Variants in OXR1 observed in about 807,000 individuals in gnomAD.
OXR1 encodes oxidation resistance 1.
Under a neutral mutation model 104.6 loss-of-function variants are expected in OXR1, and 41 were observed. That is an observed-to-expected ratio of 0.39 (90% CI 0.31 to 0.51). The LOEUF (loss-of-function observed/expected upper bound fraction) is 0.51. Ranked by LOEUF, OXR1 falls within the 20% of genes least tolerant of loss-of-function variation. OXR1 has a pLI of 0.77. For missense variants in OXR1, 955 were observed against 1,031.9 expected (o/e 0.93, Z 1.02); for synonymous variants, 348 against 348.4 (o/e 1.00, Z 0.01).
chr8:106,425,083 GTTTTTTTTTT>G (rs748444311), intron 2 of OXR1, among the ~76,000 whole-genome samples: 1 of 83,660 alleles, frequency 1.2e-5, no homozygotes, highest in African/African-American at 5.3e-5. Context: ...GTTTGGTTTG[GTTTTTTTTTT>G]TTTTTTTTTT....
intron 3 of OXR1, among the ~76,000 whole-genome samples, chr8:106,673,654 G>T (rs1827268802): frequency 6.6e-6 from 1 of 152,148 alleles, no homozygotes; most frequent in Non-Finnish European, 1.5e-5. Context: ...GACCTTCGTG[G>T]TTGCCCTTCC....
At chr8:106,576,234 A>G (rs1421617174) in intron 3 of OXR1, among the ~76,000 whole-genome samples, 1 of 151,984 alleles carries the variant, frequency 6.6e-6, no homozygotes, top group Non-Finnish European at 1.5e-5. Context: ...ATGGTTTTAA[A>G]TAGTTGAAGA....
At chr8:106,373,300 C>A (rs1490406463) in intron 2 of OXR1, among the ~76,000 whole-genome samples, 1 of 152,044 alleles carries the variant, frequency 6.6e-6, no homozygotes, top group Non-Finnish European at 1.5e-5. Flanking sequence ...ATTTTTAAAT[C>A]CCCTCCCTTT....
intron 1 of OXR1, among the ~76,000 whole-genome samples, chr8:106,320,281 C>T (rs184294679): frequency 1.2e-4 from 19 of 152,254 alleles, no homozygotes; most frequent in African/African-American, 3.9e-4. Flanking sequence ...CAGATCTTTC[C>T]TTCACTGGGT....
intron 2 of OXR1, among the ~76,000 whole-genome samples, chr8:106,492,124 A>G (rs896123350): frequency 1.3e-5 from 2 of 152,198 alleles, no homozygotes; most frequent in African/African-American, 4.8e-5. Context: ...TCTGATATCA[A>G]TGTGTTTTCT....
intron 2 of OXR1, among the ~76,000 whole-genome samples, chr8:106,493,945 A>G (rs984553133): frequency 6.6e-6 from 1 of 152,200 alleles, no homozygotes; most frequent in Non-Finnish European, 1.5e-5. Flanking sequence ...CTTGACTAAT[A>G]TATTCAACCA....
chr8:106,503,661 T>C (rs905453464), intron 2 of OXR1, among the ~76,000 whole-genome samples: 7 of 152,192 alleles, frequency 4.6e-5, no homozygotes, highest in South Asian at 2.1e-4. Flanking sequence ...CTACAGCTGC[T>C]TGGAGACCTG....
At chr8:106,302,348 C>T (rs1813272254) in intron 1 of OXR1, among the ~76,000 whole-genome samples, 1 of 151,974 alleles carries the variant, frequency 6.6e-6, no homozygotes, top group Non-Finnish European at 1.5e-5. Context: ...TTTGGGAGGC[C>T]GAGGCGGGTG....
At chr8:106,442,510 C>T (rs1343069148) in intron 2 of OXR1, among the ~76,000 whole-genome samples, 1 of 152,052 alleles carries the variant, frequency 6.6e-6, no homozygotes, top group Non-Finnish European at 1.5e-5. Context: ...CTCTTTGTAC[C>T]TCTGATAGAA....
At chr8:106,697,473 G>GC in intron 7 of OXR1, 2 of 1,595,878 alleles carry the variant, frequency 1.3e-6, no homozygotes, top group Non-Finnish European at 1.7e-6. Flanking sequence ...TGCCTGAGAT[G>GC]CCCCCCATCT....
Position 106,739,586 on chromosome 8 carries a change from A to G in OXR1, c.2163+3A>G, listed in dbSNP as rs753667867. Reference sequence around the variant, plus strand: ...TACTGCCAGATCAAATTGAAAAGGTATGACATGCTCACATATGTGCATTTC... The same window carrying G: ...TACTGCCAGATCAAATTGAAAAGGTGTGACATGCTCACATATGTGCATTTC... On this transcript the variant is annotated splice_donor_region_variant and intron_variant, in intron 13 of 16. Transcript: ENST00000517566. 2 of 1,612,864 alleles carry G rather than the reference A, an allele frequency of 1.2e-6. No homozygotes were observed. The highest frequency in any genetic ancestry group is 1.7e-6 in the Non-Finnish European group (2 of 1,179,486).
At chr8:106,349,189 A>G (rs912269716) in intron 1 of OXR1, among the ~76,000 whole-genome samples, 2 of 152,128 alleles carry the variant, frequency 1.3e-5, no homozygotes, top group East Asian at 3.8e-4. Flanking sequence ...TTTGATTATT[A>G]GGTTTTTGAT....
chr8:106,574,519 A>G (rs1409852625), intron 3 of OXR1, among the ~76,000 whole-genome samples: 1 of 152,268 alleles, frequency 6.6e-6, no homozygotes, highest in Non-Finnish European at 1.5e-5. Context: ...AAGTAAGTCT[A>G]GGAGATAAGA....
intron 3 of OXR1, chr8:106,580,847 C>T: frequency 3.6e-6 from 1 of 277,114 alleles, no homozygotes; most frequent in Non-Finnish European, 5.5e-6. Context: ...AATGCAGGGC[C>T]AATATATTTA....
chr8:106,289,213 A>C (rs1165710518), intron 1 of OXR1, among the ~76,000 whole-genome samples: 1 of 152,332 alleles, frequency 6.6e-6, no homozygotes, highest in African/African-American at 2.4e-5. Context: ...GCATCCAAAT[A>C]GGAAAATAAG....
chr8:106,475,887 C>T (rs1366754703), intron 2 of OXR1, among the ~76,000 whole-genome samples: 3 of 151,884 alleles, frequency 2.0e-5, no homozygotes, highest in Admixed American at 2.0e-4. Context: ...TATTTCTCAC[C>T]TTTCTTTTTT....
At chr8:106,368,760 C>T (rs967853495) in intron 2 of OXR1, among the ~76,000 whole-genome samples, 4 of 152,124 alleles carry the variant, frequency 2.6e-5, no homozygotes, top group African/African-American at 7.2e-5. Context: ...CATAGTATTC[C>T]GTGGTGTATA....
chr8:106,468,501 G>A (rs1305474054), intron 2 of OXR1, among the ~76,000 whole-genome samples: 1 of 151,788 alleles, frequency 6.6e-6, no homozygotes, highest in South Asian at 2.1e-4. Flanking sequence ...GCAGAAGTAA[G>A]CTGGGTATGT....
chr8:106,481,924 A>T lies in OXR1; in HGVS notation c.24-37019A>T, dbSNP rs530763625. ...ATACTTATAATTCTCTTGGGCTTCC[A>T]TGAGCAGAATATGTAAGATAATACA... On this transcript the variant is annotated intron_variant, in intron 2 of 16. Transcript: ENST00000517566. Among the ~76,000 whole-genome samples, 5 of 152,136 alleles carry T rather than the reference A, an allele frequency of 3.3e-5. No homozygotes were observed. The South Asian group carries it at 1.0e-3, about 32-fold the overall frequency.
Sources: allele counts gnomAD v4.1 joint callset (sites outside exome capture counted in the v4.1 genomes callset), GRCh38; gene constraint gnomAD v4.1.1; transcripts MANE v1.5; gene names NCBI Gene and HGNC (gene_info 2026-07-23, HGNC 2026-07-21).